Variants in CFAP20DC observed in about 807,000 individuals in gnomAD.
The protein encoded by CFAP20DC is protein CFAP20DC.
CFAP20DC carries 84 observed loss-of-function variants against 101.7 expected under a neutral mutation model. That is an observed-to-expected ratio of 0.83 (90% CI 0.69 to 0.99). The LOEUF is 0.99. Ranked by LOEUF, CFAP20DC falls within the 50% of genes least tolerant of loss-of-function variation. CFAP20DC has a pLI of 0.00. For missense variants in CFAP20DC, 1,007 were observed against 970.3 expected, an observed-to-expected ratio of 1.04 and a Z score of -0.50; for synonymous variants, 359 against 351.2, an observed-to-expected ratio of 1.02 and a Z score of -0.25.
chr3:58,832,817 C>T (rs2108065291), intron 13 of CFAP20DC, among the ~76,000 whole-genome samples: 1 of 152,276 alleles, frequency 6.6e-6, no homozygotes, highest in Non-Finnish European at 1.5e-5. Context: ...TTCTTTCTCT[C>T]TGGCCTAAAC....
At chr3:58,970,205 G>T (rs1420432143) in intron 4 of CFAP20DC, among the ~76,000 whole-genome samples, 1 of 152,076 alleles carries the variant, frequency 6.6e-6, no homozygotes, top group Non-Finnish European at 1.5e-5. Flanking sequence ...GTTGAACTGT[G>T]TCCCCCACAA....
chr3:59,004,096 G>A (rs542152428), intron 4 of CFAP20DC, among the ~76,000 whole-genome samples: 4 of 152,276 alleles, frequency 2.6e-5, no homozygotes, highest in African/African-American at 9.6e-5. Context: ...TGCTGATCCA[G>A]TTTTAGGACA....
chr3:59,027,058 A>AT (rs2093906616), intron 4 of CFAP20DC, among the ~76,000 whole-genome samples: 1 of 152,206 alleles, frequency 6.6e-6, no homozygotes, highest in Non-Finnish European at 1.5e-5. Context: ...GAAACACCAA[A>AT]TTAAAGTGTT....
At position 58,904,591 on chromosome 3, in the gene CFAP20DC, A is replaced by G. The variant is rs867704259; in HGVS notation, c.550+9117T>C. On this transcript the variant is annotated intron_variant, in intron 6 of 16. Transcript: ENST00000482387. ...GAAAATAGAGGTGAGGAAACACCCAACATAAGAATACCAAATATTATTACA... is the reference window on the plus strand; with the variant it reads ...GAAAATAGAGGTGAGGAAACACCCAGCATAAGAATACCAAATATTATTACA... 5.3e-5 allele frequency among the ~76,000 whole-genome samples: 8 copies of G among 152,186 alleles called. No individual in the cohort carries two copies. In the South Asian group the frequency reaches 1.0e-3, roughly 20 times the overall value.
At position 58,742,233 on chromosome 3, in the gene CFAP20DC, A is replaced by T; in HGVS notation, c.*227T>A. 8 of 1,081,290 alleles carry T rather than the reference A, an allele frequency of 7.4e-6. No homozygotes were observed. Among genetic ancestry groups the T allele is most frequent in the Non-Finnish European group, 9.0e-6 (8 of 884,350 alleles). 67.0% of individuals were successfully genotyped at this position (1,081,290 alleles called of 1,614,324 possible). Reference sequence around the variant, plus strand: ...AAACAAGAACCAATTCAAACTCCTAAAATCTTGCCTCTGTATTAATTTCTT... The same window carrying T: ...AAACAAGAACCAATTCAAACTCCTATAATCTTGCCTCTGTATTAATTTCTT... On this transcript the variant is annotated 3_prime_UTR_variant, in exon 17 of 17. Transcript: ENST00000482387.
chr3:58,982,094 G>C lies in CFAP20DC; in HGVS notation c.279-44332C>G, dbSNP rs566108225. ...AAAGAAGACATTTATGCAGCCAAAA[G>C]ACACATGAAAAAATGCTCACCATCA... is the stretch of plus-strand genomic sequence containing the variant. On this transcript the variant is annotated intron_variant, in intron 4 of 16. Coordinates refer to ENST00000482387, the MANE Select transcript of CFAP20DC (RefSeq NM_001394063.1). Among the ~76,000 whole-genome samples the C allele has an allele frequency of 1.1e-3, 171 of 152,218 alleles. 2 individuals are homozygous for C. The South Asian group carries it at 0.021, about 19-fold the overall frequency.
intron 4 of CFAP20DC, among the ~76,000 whole-genome samples, chr3:58,966,580 A>G (rs2091558271): frequency 6.7e-6 from 1 of 150,246 alleles, no homozygotes; most frequent in African/African-American, 2.4e-5. Context: ...CTGGAGTGCA[A>G]TGGTATGATC....
rs1200232402 is a variant in CFAP20DC at position 58,892,084 on chromosome 3, C to T, written c.551-7375G>A. On this transcript the variant is annotated intron_variant, in intron 6 of 16. Transcript: ENST00000482387. This position sits in a 1 kb window ranked among gnomAD's most constrained non-coding sequence, Gnocchi z 4.0. ...AGTTATCCCAGCATCATTTATTGAA[C>T]AGGGAGTATTTTCCCCATTCATTGA... Among the ~76,000 whole-genome samples the T allele has an allele frequency of 2.0e-5, 3 of 152,176 alleles. No individual in the cohort carries two copies. The highest frequency in any genetic ancestry group is 4.4e-5 in the Non-Finnish European group (3 of 68,020).
At chr3:58,996,412 AC>A (rs1167530108) in intron 4 of CFAP20DC, among the ~76,000 whole-genome samples, 1 of 152,302 alleles carries the variant, frequency 6.6e-6, no homozygotes, top group Non-Finnish European at 1.5e-5. Context: ...TACCAAAAAA[AC>A]AGCTGTGATT....
At position 58,727,277 on chromosome 3, in the gene CFAP20DC, AG is replaced by A. The variant is rs546134132; in HGVS notation, c.198-9650del. Reference sequence around the variant, plus strand: ...CTCAGCCTGCCTCCTGCCTGGGGAAAGGGGGAGGGCCCAGGGTAGCTTTAAA... The same window carrying A: ...CTCAGCCTGCCTCCTGCCTGGGGAAAGGGGAGGGCCCAGGGTAGCTTTAAA... On this transcript the variant is annotated intron_variant, in intron 3 of 3. Coordinates refer to the CFAP20DC transcript ENST00000486145. The A allele has an allele frequency of 2.9e-3, 444 of 153,278 alleles. 3 individuals are homozygous for A. Among genetic ancestry groups the A allele is most frequent in the South Asian group, 4.6e-3 (23 of 4,948 alleles). The allele number at this position is 153,278 out of a possible 1,614,324, so 9.5% of individuals were successfully genotyped here.
At chr3:58,983,640 C>T (rs2092658866) in intron 4 of CFAP20DC, among the ~76,000 whole-genome samples, 1 of 152,092 alleles carries the variant, frequency 6.6e-6, no homozygotes, top group African/African-American at 2.4e-5. Context: ...TAATAATAAT[C>T]ACCATAACAC....
At chr3:58,815,265 C>T (rs1442958363) in intron 14 of CFAP20DC, among the ~76,000 whole-genome samples, 1 of 150,930 alleles carries the variant, frequency 6.6e-6, no homozygotes, top group African/African-American at 2.5e-5. Flanking sequence ...GGAAAGGATT[C>T]CCTATTTAAT....
intron 5 of CFAP20DC, among the ~76,000 whole-genome samples, chr3:58,937,370 G>C (rs992847520): frequency 1.3e-5 from 2 of 152,106 alleles, no homozygotes; most frequent in East Asian, 1.9e-4. Context: ...CCCATCCCCA[G>C]TCAGATGGAT....
intron 1 of CFAP20DC, among the ~76,000 whole-genome samples, chr3:59,047,579 T>G (rs1158146726): frequency 6.6e-6 from 1 of 152,208 alleles, no homozygotes; most frequent in Admixed American, 6.5e-5. Context: ...ACATTTTATG[T>G]TTTACAGACT....
intron 15 of CFAP20DC, among the ~76,000 whole-genome samples, chr3:58,760,239 A>G (rs1048737411): frequency 6.6e-6 from 1 of 152,160 alleles, no homozygotes; most frequent in Non-Finnish European, 1.5e-5. Flanking sequence ...CTCCTTGAAG[A>G]GGTCCTTCAC....
At position 58,795,128 on chromosome 3, in the gene CFAP20DC, T is replaced by C. The variant is rs1187647446; in HGVS notation, c.2237+11267A>G. Reference sequence around the variant, plus strand: ...TTATAAACTAGAATTAGTACTTCTATTTTTTTAAAGGTTCTCATTACTCTT... The same window carrying C: ...TTATAAACTAGAATTAGTACTTCTACTTTTTTAAAGGTTCTCATTACTCTT... On this transcript the variant is annotated intron_variant, in intron 15 of 16. Transcript: ENST00000482387. This position sits in a 1 kb window ranked among gnomAD's most constrained non-coding sequence, Gnocchi z 4.2. Among the ~76,000 whole-genome samples the C allele has an allele frequency of 6.6e-6, 1 of 151,928 alleles. No individual in the cohort carries two copies. The highest frequency in any genetic ancestry group is 1.5e-5 in the Non-Finnish European group (1 of 68,024).
At chr3:58,942,726 C>T (rs1038424782) in intron 4 of CFAP20DC, among the ~76,000 whole-genome samples, 1 of 152,122 alleles carries the variant, frequency 6.6e-6, no homozygotes, top group Non-Finnish European at 1.5e-5. Flanking sequence ...TGAGACAGAA[C>T]CCTTCACTCC....
intron 4 of CFAP20DC, among the ~76,000 whole-genome samples, chr3:58,994,195 T>A (rs1053481672): frequency 6.6e-6 from 1 of 152,148 alleles, no homozygotes; most frequent in African/African-American, 2.4e-5. Context: ...CACAAACACA[T>A]GTATACCTTG....
At chr3:59,017,691 G>A (rs1559998274) in intron 4 of CFAP20DC, 2 of 152,088 alleles carry the variant, frequency 1.3e-5, no homozygotes, top group African/African-American at 2.4e-5. Context: ...CTGTTTACTT[G>A]TGAGAGTATC....
Sources: gnomAD v4.1 joint callset for allele counts (sites outside exome capture counted in the v4.1 genomes callset) on GRCh38, gnomAD v4.1.1 for gene constraint, Gnocchi (gnomAD v3.1) non-coding constraint, MANE v1.5 for transcripts, NCBI Gene and HGNC (gene_info 2026-07-23, HGNC 2026-07-21) for gene names.